MTSS1: variants seen among roughly 807,000 people sequenced by gnomAD.
The protein encoded by MTSS1 is protein MTSS 1.
MTSS1 carries 18 observed loss-of-function variants against 79.0 expected under a neutral mutation model. That is an observed-to-expected ratio of 0.23 (90% CI 0.16 to 0.34). The LOEUF is 0.34. Among genes scored for constraint, MTSS1 ranks in the 10% least tolerant of loss-of-function variants. MTSS1 has a pLI of 1.00. For missense variants in MTSS1, 815 were observed against 986.2 expected, an observed-to-expected ratio of 0.83 and a Z score of 2.33; for synonymous variants, 341 against 368.6, an observed-to-expected ratio of 0.93 and a Z score of 0.86.
chr8:124,676,137 A>T (rs1825245225), intron 3 of MTSS1, among the ~76,000 whole-genome samples: 1 of 152,250 alleles, frequency 6.6e-6, no homozygotes, highest in African/African-American at 2.4e-5. Context: ...AGTCGGGCAC[A>T]TGAAGCGTTT....
intron 3 of MTSS1, among the ~76,000 whole-genome samples, chr8:124,613,173 G>C (rs146509454): frequency 7.9e-5 from 12 of 152,302 alleles, no homozygotes; most frequent in African/African-American, 2.6e-4. Context: ...ATACCACAGA[G>C]GTTAAGATTC....
At chr8:124,637,106 G>A (rs1439863360) in intron 3 of MTSS1, among the ~76,000 whole-genome samples, 1 of 152,114 alleles carries the variant, frequency 6.6e-6, no homozygotes, top group African/African-American at 2.4e-5. Context: ...TAAAAGATGA[G>A]GAAACGCAGC....
chr8:124,616,918 GATTA>G (rs1304020088), intron 3 of MTSS1, among the ~76,000 whole-genome samples: 1 of 152,160 alleles, frequency 6.6e-6, no homozygotes, highest in Non-Finnish European at 1.5e-5. Context: ...AATAGGGATC[GATTA>G]ACAATCAGAT....
At chr8:124,707,582 A>T (rs894242444) in intron 1 of MTSS1, among the ~76,000 whole-genome samples, 7 of 151,974 alleles carry the variant, frequency 4.6e-5, no homozygotes, top group African/African-American at 1.7e-4. Flanking sequence ...GGTAGCAGGC[A>T]CCTGTAATCC....
chr8:124,572,949 G>T (rs1330178117), intron 6 of MTSS1, among the ~76,000 whole-genome samples: 1 of 151,950 alleles, frequency 6.6e-6, no homozygotes, highest in East Asian at 1.9e-4. Context: ...ATTTCACCAT[G>T]TTGGCCAGGC....
At chr8:124,671,455 C>G (rs1195522535) in intron 3 of MTSS1, among the ~76,000 whole-genome samples, 1 of 152,146 alleles carries the variant, frequency 6.6e-6, no homozygotes, top group African/African-American at 2.4e-5. Context: ...GACTTTCTCA[C>G]GAAGCCCCCT....
At chr8:124,578,478 C>CTGCAAA (rs1829415880) in intron 6 of MTSS1, among the ~76,000 whole-genome samples, 1 of 152,078 alleles carries the variant, frequency 6.6e-6, no homozygotes, top group African/African-American at 2.4e-5. Flanking sequence ...TCTCTGCCCC[C>CTGCAAA]AGGTTACACC....
In MTSS1 at chr8:124,727,725, C is replaced by G. The variant is rs1833943205; in HGVS notation, c.72+159G>C. 1.5e-6 allele frequency: 1 copy of G among 687,262 alleles called. No homozygotes were observed. The highest frequency in any genetic ancestry group is 3.0e-5 in the East Asian group (1 of 33,662). 42.6% of individuals were successfully genotyped at this position (687,262 alleles called of 1,614,324 possible). On this transcript the variant is annotated intron_variant, in intron 1 of 13. Transcript: ENST00000518547. The surrounding 1 kb of genome is among the most constrained non-coding windows in gnomAD (Gnocchi z 4.7). ...GACCCCGCAGAGCCCGGAGCAGCGCCCCGGGTGAGCAGGTGACACTCCGGC... is the reference window on the plus strand; with the variant it reads ...GACCCCGCAGAGCCCGGAGCAGCGCGCCGGGTGAGCAGGTGACACTCCGGC...
At chr8:124,592,291 C>T (rs1001742328) in intron 3 of MTSS1, among the ~76,000 whole-genome samples, 4 of 152,156 alleles carry the variant, frequency 2.6e-5, no homozygotes, top group African/African-American at 9.7e-5. Context: ...TTTACTGGGG[C>T]GTGGGAGAGC....
At chr8:124,619,520 A>G (rs1392480462) in intron 3 of MTSS1, 1 of 152,318 alleles carries the variant, frequency 6.6e-6, no homozygotes, top group Non-Finnish European at 1.5e-5. Flanking sequence ...TGCACGGTGC[A>G]TGGCACAGAG....
rs181402320 is a variant in MTSS1 at position 124,569,127 on chromosome 8, C to T, written c.461-591G>A. On this transcript the variant is annotated intron_variant, in intron 6 of 13. Transcript: ENST00000518547. ...TGAATGCTCTTGCTGTAGAACAAGC[C>T]CAGTAATAACAAGACCTCCAGACAG... Among the ~76,000 whole-genome samples, 420 of 152,170 alleles carry T rather than the reference C, an allele frequency of 2.8e-3. 4 individuals carry two copies. The highest frequency in any genetic ancestry group is 4.8e-3 in the Non-Finnish European group (328 of 68,012).
intron 6 of MTSS1, among the ~76,000 whole-genome samples, chr8:124,569,078 C>G (rs1209108198): frequency 6.6e-6 from 1 of 152,186 alleles, no homozygotes; most frequent in Non-Finnish European, 1.5e-5. Context: ...TTGGCAGTTC[C>G]TTTGACTCTC....
At chr8:124,655,634 C>T (rs915121486) in intron 3 of MTSS1, among the ~76,000 whole-genome samples, 1 of 152,240 alleles carries the variant, frequency 6.6e-6, no homozygotes, top group Non-Finnish European at 1.5e-5. Flanking sequence ...GATAAATACT[C>T]TTACAGCCAC....
chr8:124,557,656 G>A (rs1376939121), intron 11 of MTSS1, 25 bp downstream of exon 11: 1 of 1,542,404 alleles, frequency 6.5e-7, no homozygotes, highest in South Asian at 1.2e-5. Flanking sequence ...ATGACGGGGA[G>A]AGGAGGAGGG....
At chr8:124,555,479 C>T (rs555888960) in intron 13 of MTSS1, among the ~76,000 whole-genome samples, 2 of 152,298 alleles carry the variant, frequency 1.3e-5, no homozygotes, top group African/African-American at 4.8e-5. Flanking sequence ...ATCTCCTGAC[C>T]TCGTGATCCA....
At chr8:124,658,418 C>A (rs571524749) in intron 3 of MTSS1, among the ~76,000 whole-genome samples, 2 of 152,152 alleles carry the variant, frequency 1.3e-5, no homozygotes, top group Non-Finnish European at 2.9e-5. Flanking sequence ...TCCCCAGCCA[C>A]GTGGAACTGA....
chr8:124,632,201 C>T (rs1816095658), intron 3 of MTSS1, among the ~76,000 whole-genome samples: 1 of 145,910 alleles, frequency 6.9e-6, no homozygotes, highest in South Asian at 2.1e-4. Context: ...ATCCCTTGAG[C>T]TTAGGAGTTC....
Position 124,642,118 on chromosome 8 carries a change from C to T in MTSS1, c.209-50883G>A, listed in dbSNP as rs77933675. 3.1e-3 allele frequency among the ~76,000 whole-genome samples: 467 copies of T among 152,298 alleles called. 3 individuals carry two copies. Among genetic ancestry groups the T allele is most frequent in the African/African-American group, 9.4e-3 (389 of 41,572 alleles). ...TGTGGTTTTGGTTTCAAGTACTTAG[C>T]ATTTCATAACAGGCGCAGTTCACTG... On this transcript the variant is annotated intron_variant, in intron 3 of 13. Coordinates refer to ENST00000518547, the MANE Select transcript of MTSS1 (RefSeq NM_014751.6).
At chr8:124,682,467 G>A (rs907519014) in intron 3 of MTSS1, among the ~76,000 whole-genome samples, 9 of 152,228 alleles carry the variant, frequency 5.9e-5, no homozygotes, top group Non-Finnish European at 1.2e-4. Context: ...TGTGAGGGGC[G>A]GCACAGAGAC....
Sources: gnomAD v4.1 joint callset for allele counts (sites outside exome capture counted in the v4.1 genomes callset) on GRCh38, gnomAD v4.1.1 for gene constraint, Gnocchi (gnomAD v3.1) non-coding constraint, MANE v1.5 for transcripts, NCBI Gene and HGNC (gene_info 2026-07-23, HGNC 2026-07-21) for gene names.